The following FAM83F variants were observed in gnomAD, a reference collection of about 807,000 sequenced individuals.
The protein encoded by FAM83F is protein FAM83F.
Under a neutral mutation model 42.9 loss-of-function variants are expected in FAM83F, and 45 were observed. The observed-to-expected ratio is 1.05, with a 90% confidence interval of 0.83 to 1.35. FAM83F has a LOEUF of 1.35. Ranked by LOEUF, FAM83F falls within the 40% of genes most tolerant of loss-of-function variation. The pLI is 0.00. For missense variants in FAM83F, 617 were observed against 695.9 expected (o/e 0.89, Z 1.28); for synonymous variants, 306 against 298.3 (o/e 1.03, Z -0.27).
At chr22:39,997,458 C>T (rs913512547) in intron 1 of FAM83F, among the ~76,000 whole-genome samples, 7 of 152,234 alleles carry the variant, frequency 4.6e-5, no homozygotes, top group African/African-American at 1.7e-4. Flanking sequence ...CCAGTGATTT[C>T]CTGAGGGCTG....
At position 40,023,468 on chromosome 22, in the gene FAM83F, G is replaced by A. The variant is rs907050456; in HGVS notation, c.1453+1505G>A. Among the ~76,000 whole-genome samples the A allele has an allele frequency of 4.6e-5, 7 of 152,134 alleles. No homozygotes were observed. The highest frequency in any genetic ancestry group is 1.9e-4 in the East Asian group (1 of 5,190). ...AAGGAGGTGGAAGAGGGGAAGGAGG[G>A]GGCGAGCCGACAGCAGCAAGGACTA... On this transcript the variant is annotated intron_variant, in intron 4 of 4. Transcript: ENST00000333407. This position sits in a 1 kb window ranked among gnomAD's most constrained non-coding sequence, Gnocchi z 4.1.
chr22:40,008,952 A>G (rs2067449615), intron 1 of FAM83F, among the ~76,000 whole-genome samples: 2 of 152,168 alleles, frequency 1.3e-5, no homozygotes, highest in Non-Finnish European at 2.9e-5. Flanking sequence ...TGCCACACAG[A>G]CGGCCATTCT....
rs2067371854 is a variant in FAM83F, at chr22:39,995,886, C to T, written c.489+355C>T. Among the ~76,000 whole-genome samples the T allele has an allele frequency of 6.6e-6, 1 of 152,192 alleles. No individual in the cohort carries two copies. Among genetic ancestry groups the T allele is most frequent in the Non-Finnish European group, 1.5e-5 (1 of 68,026 alleles). ...CACCACTCAAAGGTCTTGATGATAA[C>T]CTACGTGCTGCCCAGAACATATCCC... is the stretch of plus-strand genomic sequence containing the variant. On this transcript the variant is annotated intron_variant, in intron 1 of 4. Transcript: ENST00000333407. The surrounding 1 kb of genome is among the most constrained non-coding windows in gnomAD (Gnocchi z 4.6).
chr22:40,003,928 G>A (rs2067414622), intron 1 of FAM83F, among the ~76,000 whole-genome samples: 1 of 152,112 alleles, frequency 6.6e-6, no homozygotes, highest in South Asian at 2.1e-4. Context: ...TTTCAGCAGT[G>A]AGTCAGGAGA....
At chr22:40,019,481 C>G (rs1269696574) in intron 2 of FAM83F, 146 bp downstream of exon 2, 1 of 743,640 alleles carries the variant, frequency 1.3e-6, no homozygotes. Flanking sequence ...TGTTGAAAGT[C>G]AAGCCTTTAA....
chr22:40,043,050 C>T lies in FAM83F; in HGVS notation c.*13485C>T, dbSNP rs1365551774. Reference sequence around the variant, plus strand: ...CCTTCTTGCAGTTGCCCTAGGAATACATGCCACTTACTCTTAATTGACGTT... The same window carrying T: ...CCTTCTTGCAGTTGCCCTAGGAATATATGCCACTTACTCTTAATTGACGTT... On this transcript the variant is annotated 3_prime_UTR_variant, in exon 5 of 5. Transcript: ENST00000333407. 1 of 152,214 alleles carries T rather than the reference C, an allele frequency of 6.6e-6. No individual in the cohort carries two copies. The allele number at this position is 152,214 out of a possible 1,614,324, so 9.4% of individuals were successfully genotyped here. A position where few individuals can be genotyped will look rare whatever the true frequency, so the allele number is the denominator to read the frequency against.
intron 1 of FAM83F, among the ~76,000 whole-genome samples, chr22:40,002,657 G>A (rs893185367): frequency 6.6e-6 from 1 of 152,152 alleles, no homozygotes; most frequent in African/African-American, 2.4e-5. Context: ...GTGACGTGGG[G>A]TACATCATTT....
At chr22:40,016,283 G>A (rs965201779) in intron 1 of FAM83F, among the ~76,000 whole-genome samples, 1 of 152,008 alleles carries the variant, frequency 6.6e-6, no homozygotes, top group Non-Finnish European at 1.5e-5. Flanking sequence ...GCTCACTGCA[G>A]CCTCAACCTC....
At position 40,027,230 on chromosome 22, in the gene FAM83F, G is replaced by A. The variant is rs556980112; in HGVS notation, c.1454-2286G>A. Among the ~76,000 whole-genome samples the A allele has an allele frequency of 5.9e-5, 9 of 152,266 alleles. No individual in the cohort carries two copies. The South Asian group carries it at 8.3e-4, about 14-fold the overall frequency. Reference sequence around the variant, plus strand: ...GAGAGGGCCCTGTGGACATCTGAGGGAAGATTCTTCCAGATACAGGGAATG... The same window carrying A: ...GAGAGGGCCCTGTGGACATCTGAGGAAAGATTCTTCCAGATACAGGGAATG... On this transcript the variant is annotated intron_variant, in intron 4 of 4. Coordinates refer to ENST00000333407, the MANE Select transcript of FAM83F (RefSeq NM_138435.4).
chr22:40,021,212 G>T lies in FAM83F; in HGVS notation c.780-78G>T. On this transcript the variant is annotated intron_variant, in intron 3 of 4. Coordinates refer to ENST00000333407, the MANE Select transcript of FAM83F (RefSeq NM_138435.4). The surrounding 1 kb of genome is among the most constrained non-coding windows in gnomAD (Gnocchi z 8.7). The stretch of plus-strand genomic sequence containing the variant: ...GCAGCAAGGGTCTGGCCACAGCGGA[G>T]GGGCAGGTGGGGGCGGGGGCAGGGC... 1.4e-6 allele frequency: 2 copies of T among 1,452,804 alleles called. No individual in the cohort carries two copies. The allele number at this position is 1,452,804 out of a possible 1,614,324, so 90.0% of individuals were successfully genotyped here.
rs187530604 is a variant in FAM83F, at chr22:40,029,764, G to C, written c.*199G>C. The C allele has an allele frequency of 2.7e-3, 1,972 of 721,264 alleles. 46 individuals are homozygous for C. In the East Asian group the frequency reaches 0.046, roughly 17 times the overall value. The allele number at this position is 721,264 out of a possible 1,614,324, so 44.7% of individuals were successfully genotyped here. Reference sequence around the variant, plus strand: ...GCATCTCAGTCACACGCCTCCACCGGACTGTCGGTGGCTGGGCAGGGGTCA... The same window carrying C: ...GCATCTCAGTCACACGCCTCCACCGCACTGTCGGTGGCTGGGCAGGGGTCA... On this transcript the variant is annotated 3_prime_UTR_variant, in exon 5 of 5. Coordinates refer to ENST00000333407, the MANE Select transcript of FAM83F (RefSeq NM_138435.4).
rs376939521 is a variant in FAM83F, at chr22:40,021,897, G to A, written c.1387G>A (p.Glu463Lys). ...PNGMASSVST[E>K]TSEVEFLTGK... ...TGGCATGGCCAGCTCTGTCTCCACC[G>A]AGACCTCTGAAGTGGAGTTTCTGAC... The change falls in exon 4 of 5, where the codon GAG (glutamate) becomes AAG (lysine). Residue 463 changes from glutamate (E) to lysine (K), a missense_variant. Glu to Lys is a moderately conservative substitution (Grantham distance 56). Coordinates refer to ENST00000333407, the MANE Select transcript of FAM83F (RefSeq NM_138435.4). This position sits in a 1 kb window ranked among gnomAD's most constrained non-coding sequence, Gnocchi z 8.7. The A allele has an allele frequency of 7.5e-5, 120 of 1,600,814 alleles. No individual in the cohort carries two copies. The African/African-American group carries it at 1.2e-3, about 16-fold the overall frequency.
chr22:40,001,666 C>T (rs892581573), intron 1 of FAM83F, among the ~76,000 whole-genome samples: 9 of 151,870 alleles, frequency 5.9e-5, no homozygotes, highest in Admixed American at 5.9e-4. Context: ...AAATAAAAAA[C>T]AAAACAAAAA....
chr22:40,011,883 G>A (rs79376201), intron 1 of FAM83F, among the ~76,000 whole-genome samples: 1,798 of 152,270 alleles, frequency 0.012, 20 homozygotes, highest in Non-Finnish European at 0.019. Flanking sequence ...AGGGGTGCAC[G>A]GCCAAGAGTG....
chr22:40,009,149 G>A (rs745591054), intron 1 of FAM83F, among the ~76,000 whole-genome samples: 2 of 152,182 alleles, frequency 1.3e-5, no homozygotes, highest in Non-Finnish European at 2.9e-5. Context: ...GAGGCAGGCA[G>A]GGCAGGTGTG....
intron 1 of FAM83F, among the ~76,000 whole-genome samples, chr22:40,012,760 C>G (rs923633252): frequency 1.4e-5 from 2 of 142,692 alleles, no homozygotes; most frequent in African/African-American, 2.6e-5. Flanking sequence ...AAAAAGGAGA[C>G]TCCATCTCAA....
intron 1 of FAM83F, among the ~76,000 whole-genome samples, chr22:40,002,459 G>A (rs1422746413): frequency 1.3e-5 from 2 of 152,180 alleles, no homozygotes; most frequent in Non-Finnish European, 2.9e-5. Context: ...AAGTTCAAAA[G>A]TAGAAGTTGG....
In FAM83F at chr22:40,029,080, CGTGTGTGTGTGTGTGT is replaced by C. The variant is rs55770640; in HGVS notation, c.1454-398_1454-383del. Among the ~76,000 whole-genome samples, 1,060 of 130,612 alleles carry C rather than the reference CGTGTGTGTGTGTGTGT, an allele frequency of 8.1e-3. 14 individuals carry two copies. Among genetic ancestry groups the C allele is most frequent in the African/African-American group, 0.023 (806 of 34,656 alleles). 85.7% of individuals were successfully genotyped at this position (130,612 alleles called of 152,430 possible). On this transcript the variant is annotated intron_variant, in intron 4 of 4. Transcript: ENST00000333407. ...GGTAGTGAGCGGCCTCTTGGCTAGA[CGTGTGTGTGTGTGTGT>C]GTGTGTGTGTGTGTGTGTGTGTGTG...
intron 1 of FAM83F, among the ~76,000 whole-genome samples, chr22:40,004,267 A>AATTTTATTTTATTTT (rs59445798): frequency 0.062 from 8,245 of 133,758 alleles, 516 homozygotes; most frequent in African/African-American, 0.1. Context: ...GCCCTTTTAG[A>AATTTTATTTTATTTT]ATTTTATTTT....
Sources: allele counts gnomAD v4.1 joint callset (sites outside exome capture counted in the v4.1 genomes callset), GRCh38; gene constraint gnomAD v4.1.1; non-coding constraint Gnocchi (gnomAD v3.1); transcripts MANE v1.5; gene names NCBI Gene and HGNC (gene_info 2026-07-23, HGNC 2026-07-21).